Variants in STXBP5L observed in about 807,000 individuals in gnomAD.
The protein encoded by STXBP5L is syntaxin binding protein 5L, also known as syntaxin-binding protein 5-like.
In STXBP5L, 65 loss-of-function variants were observed where a neutral mutation model predicts 144.5. That is an observed-to-expected ratio of 0.45 (90% CI 0.37 to 0.55). The LOEUF (loss-of-function observed/expected upper bound fraction) is 0.55, where lower values mean the gene tolerates loss of function less well. Ranked by LOEUF, STXBP5L falls within the 20% of genes least tolerant of loss-of-function variation. STXBP5L has a pLI of 0.00. For missense variants in STXBP5L, 1,298 were observed against 1,405.5 expected (o/e 0.92, Z 1.22); for synonymous variants, 505 against 469.6 (o/e 1.08, Z -0.97).
chr3:121,381,365 C>T lies in STXBP5L; in HGVS notation c.2420C>T (p.Ala807Val). 1 of 1,608,672 alleles carries T rather than the reference C, an allele frequency of 6.2e-7. No individual in the cohort carries two copies. Among genetic ancestry groups the T allele is most frequent in the South Asian group, 1.1e-5 (1 of 90,020 alleles). ...ISSIDKDSKEAITALYFMDSF... is the reference protein window; with the variant it reads ...ISSIDKDSKEVITALYFMDSF... ...AGTATTGACAAAGATTCTAAAGAAG[C>T]AATTACAGCACTATACTTCATGGAC... The change falls in exon 22 of 27, where the codon GCA (alanine) becomes GTA (valine). Residue 807 changes from alanine to valine, a missense_variant. By Grantham distance (64) the Ala-to-Val change is moderately conservative (BLOSUM62 0). Transcript: ENST00000471454.
At chr3:121,192,390 T>A (rs2047732342) in intron 9 of STXBP5L, among the ~76,000 whole-genome samples, 1 of 152,126 alleles carries the variant, frequency 6.6e-6, no homozygotes, top group East Asian at 1.9e-4. Flanking sequence ...AAAATGGCCA[T>A]ACTCCCCAAG....
chr3:121,399,400 C>T (rs2046815386), intron 22 of STXBP5L, among the ~76,000 whole-genome samples: 2 of 152,272 alleles, frequency 1.3e-5, no homozygotes, highest in South Asian at 4.1e-4. Context: ...GAGACCCTAA[C>T]TCAGTGGCAC....
intron 19 of STXBP5L, among the ~76,000 whole-genome samples, chr3:121,293,952 G>T (rs969427289): frequency 6.6e-6 from 1 of 152,208 alleles, no homozygotes; most frequent in Admixed American, 6.5e-5. Flanking sequence ...CAAGGAAGCT[G>T]ACATAGTCAT....
At position 120,970,867 on chromosome 3, in the gene STXBP5L, A is replaced by T. The variant is rs905097487; in HGVS notation, c.287+15830A>T. Reference sequence around the variant, plus strand: ...TAAAACAATTCACTGGAACTAACTTATTGCTCTTCCATTGTTGTCTGGTCT... The same window carrying T: ...TAAAACAATTCACTGGAACTAACTTTTTGCTCTTCCATTGTTGTCTGGTCT... On this transcript the variant is annotated intron_variant, in intron 3 of 26. Transcript: ENST00000471454. 3.9e-5 allele frequency among the ~76,000 whole-genome samples: 6 copies of T among 152,072 alleles called. No individual in the cohort carries two copies. In the East Asian group the frequency reaches 1.2e-3, roughly 29 times the overall value.
At chr3:120,968,928 TTATC>T (rs1429810512) in intron 3 of STXBP5L, among the ~76,000 whole-genome samples, 3 of 152,298 alleles carry the variant, frequency 2.0e-5, no homozygotes, top group East Asian at 1.9e-4. Context: ...CATTTTTTCT[TTATC>T]TACTTGTTGG....
chr3:121,268,654 A>C (rs2050647928), intron 18 of STXBP5L, among the ~76,000 whole-genome samples: 1 of 152,228 alleles, frequency 6.6e-6, no homozygotes, highest in African/African-American at 2.4e-5. Context: ...ATGAATGCAA[A>C]CAAAGCATTT....
chr3:121,258,938 C>A, intron 17 of STXBP5L, 105 bp from the exon 18 acceptor site: 1 of 1,141,964 alleles, frequency 8.8e-7, no homozygotes, highest in Non-Finnish European at 1.2e-6. Context: ...GCCTGCAATG[C>A]CTGGTGTTGT....
intron 3 of STXBP5L, among the ~76,000 whole-genome samples, chr3:120,987,443 G>T (rs1576581806): frequency 6.6e-6 from 1 of 151,556 alleles, no homozygotes; most frequent in Non-Finnish European, 1.5e-5. Context: ...TATATTTTTT[G>T]CCCATTTTAT....
At chr3:121,056,353 T>C (rs1203235463) in intron 5 of STXBP5L, among the ~76,000 whole-genome samples, 3 of 152,162 alleles carry the variant, frequency 2.0e-5, no homozygotes. Context: ...TAGGCTACGA[T>C]ATACAGACCC....
chr3:121,239,946 A>G (rs1368514573), intron 13 of STXBP5L, among the ~76,000 whole-genome samples: 1 of 152,100 alleles, frequency 6.6e-6, no homozygotes, highest in Non-Finnish European at 1.5e-5. Flanking sequence ...AGGAAACATA[A>G]TTATTAAAAG....
intron 9 of STXBP5L, 77 bp downstream of exon 9, chr3:121,157,704 T>G (rs2108005258): frequency 6.6e-7 from 1 of 1,525,596 alleles, no homozygotes; most frequent in Non-Finnish European, 8.7e-7. Flanking sequence ...ATGGTATTAA[T>G]GCGTTTGGTA....
At chr3:121,307,017 C>T (rs938823050) in intron 19 of STXBP5L, among the ~76,000 whole-genome samples, 1 of 152,114 alleles carries the variant, frequency 6.6e-6, no homozygotes, top group Non-Finnish European at 1.5e-5. Context: ...TAAAGAGAAT[C>T]CTGCTAAAAT....
chr3:121,335,571 C>A (rs1178282552), intron 20 of STXBP5L, among the ~76,000 whole-genome samples: 1 of 152,068 alleles, frequency 6.6e-6, no homozygotes, highest in Non-Finnish European at 1.5e-5. Flanking sequence ...CTACAGTAAC[C>A]AAAATAGCAT....
At chr3:120,947,697 A>G (rs1710949363) in intron 2 of STXBP5L, among the ~76,000 whole-genome samples, 1 of 151,946 alleles carries the variant, frequency 6.6e-6, no homozygotes, top group African/African-American at 2.4e-5. Flanking sequence ...TATACACTTC[A>G]TGTAAATGGA....
rs1456971517 is a variant in STXBP5L, at chr3:121,041,701, C to A, written c.289C>A (p.Leu97Ile). 3 of 1,610,500 alleles carry A rather than the reference C, an allele frequency of 1.9e-6. No individual in the cohort carries two copies. The highest frequency in any genetic ancestry group is 3.3e-5 in the Admixed American group (2 of 59,858). The change falls in exon 4 of 27, where the codon CTC becomes ATC. Residue 97 changes from leucine to isoleucine, a missense_variant and splice_region_variant. Coordinates refer to ENST00000471454, the MANE Select transcript of STXBP5L (RefSeq NM_001308330.2). The part of the protein sequence containing the change: ...IGTRTGAIRI[L>I]GRPGVDCYCQ... ...AATCCTTGACTTTTATTATATTAGA[C>A]TCGGGAGACCTGGTGTTGATTGCTA...
chr3:121,026,201 C>T (rs1352355007), intron 3 of STXBP5L, among the ~76,000 whole-genome samples: 1 of 151,712 alleles, frequency 6.6e-6, no homozygotes, highest in Non-Finnish European at 1.5e-5. Context: ...ACCTCAATCA[C>T]TGTGTTCCAA....
At chr3:121,226,944 C>T (rs972878055) in intron 11 of STXBP5L, among the ~76,000 whole-genome samples, 2 of 152,110 alleles carry the variant, frequency 1.3e-5, no homozygotes, top group African/African-American at 4.8e-5. Context: ...ACTAGGAACT[C>T]TTGAAGACAA....
chr3:121,016,671 A>T (rs1205729747), intron 3 of STXBP5L, among the ~76,000 whole-genome samples: 2 of 152,228 alleles, frequency 1.3e-5, no homozygotes, highest in Non-Finnish European at 2.9e-5. Flanking sequence ...AGCAGAAGAA[A>T]GAGTGAGCAA....
chr3:120,915,782 TTA>T (rs1709072536), intron 2 of STXBP5L, among the ~76,000 whole-genome samples: 1 of 152,082 alleles, frequency 6.6e-6, no homozygotes, highest in Non-Finnish European at 1.5e-5. Flanking sequence ...TGATTAAGTT[TTA>T]TACAGCCAAA....
Sources: gnomAD v4.1 joint callset for allele counts (sites outside exome capture counted in the v4.1 genomes callset) on GRCh38, gnomAD v4.1.1 for gene constraint, MANE v1.5 for transcripts, NCBI Gene and HGNC (gene_info 2026-07-23, HGNC 2026-07-21) for gene names.